The following GATB variants were observed in gnomAD, a reference collection of about 807,000 sequenced individuals.
GATB encodes glutamyl-tRNA(Gln) amidotransferase subunit B, mitochondrial.
A neutral mutation model predicts 62.3 loss-of-function variants in GATB; 39 were observed. That is an observed-to-expected ratio of 0.63 (90% confidence interval 0.48 to 0.82). The LOEUF is 0.82. Ranked by LOEUF, GATB falls within the 40% of genes least tolerant of loss-of-function variation. GATB has a pLI of 0.00. For missense variants in GATB, 670 were observed against 684.0 expected (o/e 0.98, Z 0.23); for synonymous variants, 276 against 258.9 (o/e 1.07, Z -0.63).
chr4:151,747,494 A>T (rs1442880521), intron 2 of GATB, among the ~76,000 whole-genome samples: 1 of 152,080 alleles, frequency 6.6e-6, no homozygotes, highest in Non-Finnish European at 1.5e-5. Context: ...TAACATACAA[A>T]CCGGTTCATT....
chr4:151,671,020 A>T lies in GATB; in HGVS notation c.*154T>A. 1.1e-6 allele frequency: 1 copy of T among 876,032 alleles called. No homozygotes were observed. Among genetic ancestry groups the T allele is most frequent in the Non-Finnish European group, 1.8e-6 (1 of 562,020 alleles). The allele number at this position is 876,032 out of a possible 1,614,324, so 54.3% of individuals were successfully genotyped here. On this transcript the variant is annotated 3_prime_UTR_variant, in exon 13 of 13. Coordinates refer to ENST00000263985, the MANE Select transcript of GATB (RefSeq NM_004564.3). ...CTCCAGGCACAGGGCCTAGAGGGTG[A>T]GAACACTGGTGACATTAATGCCATA... is the stretch of plus-strand genomic sequence containing the variant.
chr4:151,730,123 G>A lies in GATB; in HGVS notation c.328-10585C>T, dbSNP rs763141878. Among the ~76,000 whole-genome samples the A allele has an allele frequency of 1.3e-5, 2 of 152,128 alleles. No homozygotes were observed. Among genetic ancestry groups the A allele is most frequent in the Non-Finnish European group, 2.9e-5 (2 of 68,024 alleles). ...TGAGACTGGCCCTTTGGTTTGTGTG[G>A]GAGCTGGGTGAGGCCTGTGACTGCC... On this transcript the variant is annotated intron_variant, in intron 2 of 12. Coordinates refer to ENST00000263985, the MANE Select transcript of GATB (RefSeq NM_004564.3). This position sits in a 1 kb window ranked among gnomAD's most constrained non-coding sequence, Gnocchi z 4.1.
At chr4:151,740,269 G>C (rs1289693608) in intron 2 of GATB, among the ~76,000 whole-genome samples, 2 of 152,306 alleles carry the variant, frequency 1.3e-5, no homozygotes, top group Admixed American at 1.3e-4. Context: ...GATATGTTCT[G>C]AGAAATGCCT....
chr4:151,716,548 C>T (rs3792689), intron 4 of GATB, among the ~76,000 whole-genome samples: 15,473 of 152,164 alleles, frequency 0.1, 826 homozygotes, highest in Non-Finnish European at 0.12. Flanking sequence ...TAGCATTACA[C>T]GTGTAGGCAC....
At chr4:151,671,429 A>G (rs1025701070) in intron 12 of GATB, 127 bp from the exon 13 acceptor site, 2 of 900,488 alleles carry the variant, frequency 2.2e-6, no homozygotes, top group Non-Finnish European at 3.4e-6. Flanking sequence ...TAGACATAAA[A>G]TGTAGAACAG....
intron 2 of GATB, among the ~76,000 whole-genome samples, chr4:151,741,589 G>C (rs1320329643): frequency 6.6e-6 from 1 of 152,190 alleles, no homozygotes; most frequent in East Asian, 1.9e-4. Context: ...TCCATTACTA[G>C]GAAAGGAACA....
At chr4:151,725,944 T>A (rs1196728269) in intron 2 of GATB, among the ~76,000 whole-genome samples, 2 of 152,144 alleles carry the variant, frequency 1.3e-5, no homozygotes, top group Non-Finnish European at 2.9e-5. Flanking sequence ...TATCAGCACA[T>A]CCTTAAAAAA....
intron 1 of GATB, 76 bp downstream of exon 1, chr4:151,760,731 C>T: frequency 7.4e-7 from 1 of 1,355,548 alleles, no homozygotes; most frequent in South Asian, 1.6e-5. Flanking sequence ...GAAGCTGGGC[C>T]GTAATTGCCA....
chr4:151,751,834 A>C (rs1260301064), intron 2 of GATB, among the ~76,000 whole-genome samples: 1 of 152,182 alleles, frequency 6.6e-6, no homozygotes, highest in Non-Finnish European at 1.5e-5. Flanking sequence ...ATTATATGGA[A>C]ATCTTTTTTC....
At chr4:151,758,135 A>G (rs1430456576) in intron 2 of GATB, among the ~76,000 whole-genome samples, 2 of 152,206 alleles carry the variant, frequency 1.3e-5, no homozygotes, top group African/African-American at 2.4e-5. Context: ...TTTCTACATT[A>G]TTGAGTGTTT....
At chr4:151,727,820 T>C (rs1288498254) in intron 2 of GATB, among the ~76,000 whole-genome samples, 2 of 152,208 alleles carry the variant, frequency 1.3e-5, no homozygotes, top group East Asian at 1.9e-4. Context: ...CTTAGTAATA[T>C]TAGTTTCAGA....
intron 10 of GATB, among the ~76,000 whole-genome samples, chr4:151,687,650 A>T (rs1738277678): frequency 6.6e-6 from 1 of 152,148 alleles, no homozygotes; most frequent in African/African-American, 2.4e-5. Flanking sequence ...GCCCTGGAGG[A>T]GTAATGAGGT....
chr4:151,688,780 AAG>A lies in GATB; in HGVS notation c.1198-19_1198-18del, dbSNP rs1738305400. ...GACTTCGTTCTGTTAAAAAAAAAAA[AAG>A]AAAATTACATAAAGCCTCCCCAAAA... On this transcript the variant is annotated intron_variant, in intron 9 of 12. Transcript: ENST00000263985. The A allele has an allele frequency of 1.3e-6, 2 of 1,567,320 alleles. No homozygotes were observed. The highest frequency in any genetic ancestry group is 2.1e-5 in the Admixed American group (1 of 46,552).
intron 2 of GATB, among the ~76,000 whole-genome samples, chr4:151,740,185 T>C (rs1334130228): frequency 3.3e-5 from 5 of 152,268 alleles, no homozygotes; most frequent in Non-Finnish European, 4.4e-5. Flanking sequence ...ATTATTTTTA[T>C]TGACCCACTA....
At chr4:151,674,030 G>T (rs551321442) in intron 11 of GATB, 1 of 152,380 alleles carries the variant, frequency 6.6e-6, no homozygotes, top group East Asian at 1.9e-4. Flanking sequence ...ATCACTGCTG[G>T]GACAGGCACT....
rs867069984 is a variant in GATB, at chr4:151,672,773, G to C, written c.1534C>G (p.His512Asp). 1 of 1,614,074 alleles carries C rather than the reference G, an allele frequency of 6.2e-7. No individual in the cohort carries two copies. Among genetic ancestry groups the C allele is most frequent in the Middle Eastern group, 1.6e-4 (1 of 6,062 alleles). Residue 512 changes from histidine (H) to aspartate (D), a missense_variant, in exon 12 of 13, where the codon CAT becomes GAT. By Grantham distance (81) the His-to-Asp change is moderately conservative. Coordinates refer to ENST00000263985, the MANE Select transcript of GATB (RefSeq NM_004564.3). ...CCCGAGATAGTCACCACTTGAGGAT[G>C]GGCCTCCATCACAGAGTGGCAGAGC... ...EQLCHSVMEA[H>D]PQVVMDVKNR...
chr4:151,672,471 T>C, intron 12 of GATB: 1 of 347,702 alleles, frequency 2.9e-6, no homozygotes, highest in Admixed American at 3.9e-5. Context: ...ACCTGGGAGG[T>C]CACAGCTTGG....
intron 2 of GATB, among the ~76,000 whole-genome samples, chr4:151,732,334 G>A (rs2126987323): frequency 6.6e-6 from 1 of 152,362 alleles, no homozygotes; most frequent in African/African-American, 2.4e-5. Context: ...TGTCTGTGTA[G>A]AAAGAAGTAG....
chr4:151,753,947 C>A (rs1739771038), intron 2 of GATB, among the ~76,000 whole-genome samples: 1 of 152,200 alleles, frequency 6.6e-6, no homozygotes, highest in African/African-American at 2.4e-5. Flanking sequence ...TCCACTGCCA[C>A]CTACCTTCTG....
Sources: allele counts gnomAD v4.1 joint callset (sites outside exome capture counted in the v4.1 genomes callset), GRCh38; gene constraint gnomAD v4.1.1; non-coding constraint Gnocchi (gnomAD v3.1); transcripts MANE v1.5; gene names NCBI Gene and HGNC (gene_info 2026-07-23, HGNC 2026-07-21).